ADGRL2: variants seen among roughly 807,000 people sequenced by gnomAD.
ADGRL2 encodes calcium-independent alpha-latrotoxin receptor 2.
Under a neutral mutation model 157.4 loss-of-function variants are expected in ADGRL2, and 44 were observed. The ratio of observed to expected loss-of-function variants is 0.28; its 90% CI spans 0.22 to 0.36. The LOEUF (loss-of-function observed/expected upper bound fraction) is 0.36, where lower values mean the gene tolerates loss of function less well. Ranked by LOEUF, ADGRL2 falls within the 10% of genes least tolerant of loss-of-function variation. The pLI is 1.00. For synonymous variants in ADGRL2, 585 were observed against 624.7 expected (o/e 0.94, Z 0.95); for missense variants, 1,510 against 1,768.9 (o/e 0.85, Z 2.63).
chr1:81,799,891 A>G (rs1315155733), upstream of ADGRL2, among the ~76,000 whole-genome samples: 1 of 152,022 alleles, frequency 6.6e-6, no homozygotes, highest in East Asian at 1.9e-4. Flanking sequence ...TTTGCAATAA[A>G]AAAAAAATCC....
Position 81,850,656 on chromosome 1 carries a change from T to C in ADGRL2, c.73+13599T>C, listed in dbSNP as rs150271696. Among the ~76,000 whole-genome samples, 108 of 152,052 alleles carry C rather than the reference T, an allele frequency of 7.1e-4. 2 individuals carry two copies. In the East Asian group the frequency reaches 0.019, roughly 26 times the overall value. ...AGCTAGTAACCTTTAGGAGGCTTTTTCTAATCTAAACAGGAATCCTCTGAA... is the reference window on the plus strand; with the variant it reads ...AGCTAGTAACCTTTAGGAGGCTTTTCCTAATCTAAACAGGAATCCTCTGAA... On this transcript the variant is annotated intron_variant, in intron 2 of 23. Transcript: ENST00000686636.
chr1:81,357,196 T>C (rs939955675), intron 1 of ADGRL2, among the ~76,000 whole-genome samples: 1 of 152,122 alleles, frequency 6.6e-6, no homozygotes, highest in African/African-American at 2.4e-5. Context: ...AAGAACACTG[T>C]GACTCTTTGG....
In ADGRL2 at chr1:81,938,113, G is replaced by A. The variant is rs142058174; in HGVS notation, c.397+1276G>A. On this transcript the variant is annotated intron_variant, in intron 4 of 23. Coordinates refer to ENST00000686636, the MANE Select transcript of ADGRL2 (RefSeq NM_001366006.2). ...TTCTGTACCATTTGTAGGATTGGAA[G>A]CCTACTGAGTACACTGATCTTTATA... 5.8e-3 allele frequency among the ~76,000 whole-genome samples: 875 copies of A among 151,836 alleles called. 5 individuals are homozygous for A. Among genetic ancestry groups the A allele is most frequent in the African/African-American group, 0.02 (830 of 41,504 alleles).
intron 3 of ADGRL2, among the ~76,000 whole-genome samples, chr1:81,623,740 G>A (rs977927276): frequency 6.0e-5 from 9 of 150,370 alleles, no homozygotes; most frequent in Admixed American, 2.7e-4. Flanking sequence ...AGGTTCAAGC[G>A]ATTCTCCTGC....
intron 2 of ADGRL2, among the ~76,000 whole-genome samples, chr1:81,876,672 T>G (rs1312903842): frequency 6.6e-6 from 1 of 152,132 alleles, no homozygotes; most frequent in Non-Finnish European, 1.5e-5. Flanking sequence ...CACCCTAATT[T>G]GTGACTCGAG....
chr1:81,756,531 AC>A (rs2085696660), intron 1 of ADGRL2, among the ~76,000 whole-genome samples: 1 of 152,194 alleles, frequency 6.6e-6, no homozygotes, highest in South Asian at 2.1e-4. Context: ...AGGGTGCAGG[AC>A]CATATTGCAT....
chr1:81,603,944 A>G (rs1195758984), intron 3 of ADGRL2, among the ~76,000 whole-genome samples: 3 of 151,090 alleles, frequency 2.0e-5, no homozygotes, highest in Non-Finnish European at 4.4e-5. Flanking sequence ...TCACTAGATC[A>G]TAAGAGCCCA....
rs918614589 is a variant in ADGRL2 at position 81,950,394 on chromosome 1, C to G, written c.1416C>G (p.Phe472Leu). 1.9e-6 allele frequency: 3 copies of G among 1,613,858 alleles called. No individual in the cohort carries two copies. In the African/African-American group the frequency reaches 4.0e-5, roughly 22 times the overall value. ...ATATTTTTCCCCTGCCAGAGAGATTCTGTGAAGCATTAGACTCCAAGGGGA... is the reference window on the plus strand; with the variant it reads ...ATATTTTTCCCCTGCCAGAGAGATTGTGTGAAGCATTAGACTCCAAGGGGA... ...ITNIFPLPER[F>L]CEALDSKGIK... The change falls in exon 7 of 24, where the codon TTC (phenylalanine) becomes TTG (leucine). Residue 472 changes from phenylalanine (F) to leucine (L), a missense_variant. Phe to Leu is a conservative substitution (Grantham distance 22). Coordinates refer to ENST00000686636, the MANE Select transcript of ADGRL2 (RefSeq NM_001366006.2).
intron 1 of ADGRL2, among the ~76,000 whole-genome samples, chr1:81,827,082 C>T (rs903805531): frequency 1.6e-4 from 24 of 151,888 alleles, no homozygotes; most frequent in South Asian, 6.2e-4. Flanking sequence ...GAGGGGAGTC[C>T]GCATATAGGG....
chr1:81,791,208 A>G (rs1571236139), intron 2 of ADGRL2, among the ~76,000 whole-genome samples: 1 of 152,112 alleles, frequency 6.6e-6, no homozygotes, highest in Non-Finnish European at 1.5e-5. Context: ...TCTTTTAAAA[A>G]TAGGAACTTT....
intron 1 of ADGRL2, among the ~76,000 whole-genome samples, chr1:81,702,654 C>T (rs668237): frequency 6.6e-6 from 1 of 151,844 alleles, no homozygotes; most frequent in Non-Finnish European, 1.5e-5. Flanking sequence ...AAAACAAAAA[C>T]AAAAACAAAT....
rs9425228 is a variant in ADGRL2 at position 81,489,081 on chromosome 1, T to C, written c.-248+43992T>C. ...GGTGAAACCCTGTCTCTACTAAAAA[T>C]ACAAAAATTAGCTGGGCACGTGGTG... On this transcript the variant is annotated intron_variant, in intron 2 of 24. Coordinates refer to the ADGRL2 transcript ENST00000370721. 3.1e-3 allele frequency among the ~76,000 whole-genome samples: 477 copies of C among 151,880 alleles called. 7 individuals are homozygous for C. The highest frequency in any genetic ancestry group is 0.011 in the African/African-American group (440 of 41,442).
At chr1:81,568,535 A>G (rs1162650637) in intron 2 of ADGRL2, among the ~76,000 whole-genome samples, 1 of 152,150 alleles carries the variant, frequency 6.6e-6, no homozygotes, top group Non-Finnish European at 1.5e-5. Context: ...GGACAAATGT[A>G]CCCTTTTATT....
chr1:81,849,937 A>T (rs1414818746), intron 2 of ADGRL2, among the ~76,000 whole-genome samples: 1 of 151,948 alleles, frequency 6.6e-6, no homozygotes, highest in Non-Finnish European at 1.5e-5. Context: ...TCAGTTGAAC[A>T]CAGATCAGAG....
chr1:81,713,052 C>A (rs1485982502), intron 1 of ADGRL2, among the ~76,000 whole-genome samples: 1 of 151,984 alleles, frequency 6.6e-6, no homozygotes, highest in Non-Finnish European at 1.5e-5. Flanking sequence ...GCCACCATGC[C>A]CGGCTTGAGA....
At chr1:81,851,212 A>T (rs1163789834) in intron 2 of ADGRL2, among the ~76,000 whole-genome samples, 1 of 151,814 alleles carries the variant, frequency 6.6e-6, no homozygotes, top group Non-Finnish European at 1.5e-5. Flanking sequence ...TCTTATTAGG[A>T]GATTTTGATA....
At chr1:81,412,992 A>C (rs2076973187) in intron 1 of ADGRL2, among the ~76,000 whole-genome samples, 1 of 152,010 alleles carries the variant, frequency 6.6e-6, no homozygotes, top group Non-Finnish European at 1.5e-5. Flanking sequence ...GCTGGTGATA[A>C]ATTTGTTCTT....
chr1:81,361,655 C>T (rs947917784), intron 1 of ADGRL2, among the ~76,000 whole-genome samples: 1 of 152,022 alleles, frequency 6.6e-6, no homozygotes, highest in East Asian at 1.9e-4. Flanking sequence ...AAGCAATCTG[C>T]TTTGACAATC....
At chr1:81,711,342 G>A (rs2083922070) in intron 1 of ADGRL2, among the ~76,000 whole-genome samples, 1 of 152,150 alleles carries the variant, frequency 6.6e-6, no homozygotes, top group African/African-American at 2.4e-5. Context: ...GCTTTTTAAA[G>A]TAAAAATGGT....
Sources: gnomAD v4.1 joint callset for allele counts (sites outside exome capture counted in the v4.1 genomes callset) on GRCh38, gnomAD v4.1.1 for gene constraint, MANE v1.5 for transcripts, NCBI Gene and HGNC (gene_info 2026-07-23, HGNC 2026-07-21) for gene names.